The following DCUN1D4 variants were observed in gnomAD, a reference collection of about 807,000 sequenced individuals.
The protein encoded by DCUN1D4 is defective in cullin neddylation 1 domain containing 4.
A neutral mutation model predicts 47.9 loss-of-function variants in DCUN1D4; 22 were observed. The ratio of observed to expected loss-of-function variants is 0.46; its 90% CI spans 0.33 to 0.66. The LOEUF (loss-of-function observed/expected upper bound fraction) is 0.66, where lower values mean the gene tolerates loss of function less well. DCUN1D4 is among the 30% of genes least tolerant of loss of function. The pLI is 0.02. For missense variants in DCUN1D4, 301 were observed against 340.8 expected, an observed-to-expected ratio of 0.88 and a Z score of 0.92; for synonymous variants, 121 against 112.2, an observed-to-expected ratio of 1.08 and a Z score of -0.50.
At chr4:51,848,981 G>C (rs992057036) in intron 1 of DCUN1D4, among the ~76,000 whole-genome samples, 3 of 152,072 alleles carry the variant, frequency 2.0e-5, no homozygotes, top group Non-Finnish European at 4.4e-5. Context: ...TTGCTGGCCT[G>C]TATCAGTAGA....
intron 1 of DCUN1D4, among the ~76,000 whole-genome samples, chr4:51,852,582 G>A (rs532033114): frequency 6.6e-6 from 1 of 152,232 alleles, no homozygotes; most frequent in African/African-American, 2.4e-5. Context: ...CCATCACCTT[G>A]TGATCTCTTC....
At chr4:51,891,974 C>A (rs2110067828) in intron 7 of DCUN1D4, 123 bp downstream of exon 7, 2 of 713,410 alleles carry the variant, frequency 2.8e-6, no homozygotes, top group Admixed American at 2.6e-5. Context: ...GCCAAGCTTC[C>A]CCAGTGGCCA....
At chr4:51,847,438 T>C (rs1342366340) in intron 1 of DCUN1D4, among the ~76,000 whole-genome samples, 1 of 152,102 alleles carries the variant, frequency 6.6e-6, no homozygotes, top group East Asian at 1.9e-4. Context: ...GCTGCAGTAA[T>C]TTTAATAACC....
chr4:51,854,215 G>A (rs1258107455), intron 1 of DCUN1D4, among the ~76,000 whole-genome samples: 1 of 152,166 alleles, frequency 6.6e-6, no homozygotes, highest in Non-Finnish European at 1.5e-5. Context: ...GTGACTATCA[G>A]TTAGCATACA....
the DCUN1D4 span, among the ~76,000 whole-genome samples, chr4:51,836,691 T>C: frequency 6.6e-6 from 1 of 152,190 alleles, no homozygotes; most frequent in Non-Finnish European, 1.5e-5. Context: ...AAGTTCTTAC[T>C]TCCATAACAC....
intron 1 of DCUN1D4, among the ~76,000 whole-genome samples, chr4:51,848,580 C>T (rs1376263753): frequency 6.6e-6 from 1 of 152,110 alleles, no homozygotes; most frequent in African/African-American, 2.4e-5. Flanking sequence ...GGTATTAATT[C>T]TTCTCATAGC....
intron 7 of DCUN1D4, among the ~76,000 whole-genome samples, chr4:51,893,437 T>C (rs1412833928): frequency 6.6e-6 from 1 of 152,084 alleles, no homozygotes; most frequent in East Asian, 1.9e-4. Context: ...TTTCTTTTCT[T>C]TTTTTTGAGA....
chr4:51,875,797 C>A (rs1036075867), intron 4 of DCUN1D4, among the ~76,000 whole-genome samples: 1 of 152,160 alleles, frequency 6.6e-6, no homozygotes, highest in Non-Finnish European at 1.5e-5. Context: ...GCATATCATT[C>A]TTTTTATTTG....
In DCUN1D4 at chr4:51,863,474, TATTC is replaced by T. The variant is rs747203244; in HGVS notation, c.66_69del (p.His23ArgfsTer9). 1.9e-6 allele frequency: 3 copies of T among 1,613,072 alleles called. No homozygotes were observed. Among genetic ancestry groups the T allele is most frequent in the Non-Finnish European group, 2.5e-6 (3 of 1,179,558 alleles). On this transcript the variant is annotated frameshift_variant, in exon 2 of 11. Coordinates refer to ENST00000334635, the MANE Select transcript of DCUN1D4 (RefSeq NM_001040402.3). LOFTEE classifies it high-confidence loss of function. ...ACTCTCATCTCTCAACACTGGCAAA[TATTC>T]ATAAGATCTACCACACCCTTAATAA... is the stretch of plus-strand genomic sequence containing the variant.
intron 6 of DCUN1D4, among the ~76,000 whole-genome samples, chr4:51,890,705 G>T (rs999900808): frequency 6.6e-6 from 1 of 152,130 alleles, no homozygotes; most frequent in South Asian, 2.1e-4. Flanking sequence ...GAGAAGGAAG[G>T]CTTCCTCCTC....
At chr4:51,837,654 C>CAAA in the DCUN1D4 span, among the ~76,000 whole-genome samples, 218 of 46,222 alleles carry the variant, frequency 4.7e-3, 6 homozygotes, top group Non-Finnish European at 5.5e-3. Context: ...GACTCCGTCT[C>CAAA]AAAAAAAAAA....
At chr4:51,834,114 C>CTTTTTTTTTTTTTTTTTTTTTTTTTTTTT in the DCUN1D4 span, among the ~76,000 whole-genome samples, 5 of 37,204 alleles carry the variant, frequency 1.3e-4, 1 homozygote, top group African/African-American at 4.2e-4. Flanking sequence ...TTTTTTTTTT[C>CTTTTTTTTTTTTTTTTTTTTTTTTTTTTT]TTTTTTTTTT....
At chr4:51,912,414 T>C (rs1733841958) in intron 9 of DCUN1D4, among the ~76,000 whole-genome samples, 1 of 152,190 alleles carries the variant, frequency 6.6e-6, no homozygotes, top group South Asian at 2.1e-4. Context: ...TCTCTTACAT[T>C]AGTTTGCATT....
chr4:51,902,024 A>G (rs1454130293), intron 8 of DCUN1D4, among the ~76,000 whole-genome samples: 1 of 152,132 alleles, frequency 6.6e-6, no homozygotes, highest in Admixed American at 6.5e-5. Flanking sequence ...AATATTTTCT[A>G]GTTCACCTTG....
In DCUN1D4 at chr4:51,914,724, A is replaced by G. The variant is rs1305342912; in HGVS notation, c.*1140A>G. 2 of 151,748 alleles carry G rather than the reference A, an allele frequency of 1.3e-5. No individual in the cohort carries two copies. The highest frequency in any genetic ancestry group is 2.4e-5 in the African/African-American group (1 of 41,154). The allele number at this position is 151,748 out of a possible 1,614,324, so 9.4% of individuals were successfully genotyped here. A position where few individuals can be genotyped will look rare whatever the true frequency, so the allele number is the denominator to read the frequency against. ...ACCTGTCCTAGAGGGGCCACTTTTC[A>G]TTACCTGAGTTATTTGTACAGAAGG... On this transcript the variant is annotated 3_prime_UTR_variant, in exon 11 of 11. Coordinates refer to ENST00000334635, the MANE Select transcript of DCUN1D4 (RefSeq NM_001040402.3).
chr4:51,843,615 C>T (rs1453538339), intron 1 of DCUN1D4: 4 of 864,394 alleles, frequency 4.6e-6, no homozygotes, highest in African/African-American at 3.7e-5. Flanking sequence ...TGGGCTGTAG[C>T]GGGCAGGGCC....
intron 5 of DCUN1D4, among the ~76,000 whole-genome samples, chr4:51,885,557 C>T (rs1045615378): frequency 6.6e-6 from 1 of 151,936 alleles, no homozygotes; most frequent in Non-Finnish European, 1.5e-5. Flanking sequence ...AGTGTAGTTA[C>T]GGCAGTTAAA....
At chr4:51,867,321 T>C (rs912203479) in intron 3 of DCUN1D4, among the ~76,000 whole-genome samples, 3 of 152,218 alleles carry the variant, frequency 2.0e-5, no homozygotes, top group Admixed American at 2.0e-4. Flanking sequence ...GGGCTGCAGC[T>C]CTTCTCTCTT....
chr4:51,907,936 A>G (rs1733142105), intron 8 of DCUN1D4, among the ~76,000 whole-genome samples: 1 of 152,220 alleles, frequency 6.6e-6, no homozygotes. Context: ...GAGAACCTAT[A>G]CTGAAACAGT....
Sources: gnomAD v4.1 joint callset for allele counts (sites outside exome capture counted in the v4.1 genomes callset) on GRCh38, gnomAD v4.1.1 for gene constraint, MANE v1.5 for transcripts, NCBI Gene and HGNC (gene_info 2026-07-23, HGNC 2026-07-21) for gene names.